Variants in MAN2A1 observed in about 807,000 individuals in gnomAD.
MAN2A1 encodes alpha-mannosidase 2.
Under a neutral mutation model 142.6 loss-of-function variants are expected in MAN2A1, and 76 were observed. The observed-to-expected ratio is 0.53, with a 90% CI of 0.44 to 0.65. The LOEUF (loss-of-function observed/expected upper bound fraction) is 0.65, where lower values mean the gene tolerates loss of function less well. MAN2A1 is among the 30% of genes least tolerant of loss of function. The probability of loss-of-function intolerance (pLI) is 0.00; values close to 1 mark genes in which losing one functional copy is unlikely to be tolerated. For synonymous variants in MAN2A1, 559 were observed against 473.2 expected, an observed-to-expected ratio of 1.18 and a Z score of -2.35; for missense variants, 1,311 against 1,365.1, an observed-to-expected ratio of 0.96 and a Z score of 0.62.
chr5:109,850,891 C>T (rs1755466080), intron 19 of MAN2A1, among the ~76,000 whole-genome samples: 1 of 151,946 alleles, frequency 6.6e-6, no homozygotes, highest in African/African-American at 2.4e-5. Context: ...AAGAAATGAA[C>T]TAGAGAAGAG....
At chr5:109,840,966 T>C (rs1755187935) in intron 16 of MAN2A1, among the ~76,000 whole-genome samples, 5 of 152,212 alleles carry the variant, frequency 3.3e-5, no homozygotes, top group South Asian at 2.1e-4. Context: ...GGGATTCTAC[T>C]TGTGTCCTAG....
chr5:109,745,757 A>G (rs1401498688), intron 4 of MAN2A1, among the ~76,000 whole-genome samples: 1 of 152,094 alleles, frequency 6.6e-6, no homozygotes, highest in Admixed American at 6.5e-5. Flanking sequence ...GCTAGGATCT[A>G]CAGGTGCAGG....
chr5:109,840,895 A>G (rs890433447), intron 16 of MAN2A1, among the ~76,000 whole-genome samples: 3 of 152,062 alleles, frequency 2.0e-5, no homozygotes, highest in African/African-American at 7.2e-5. Flanking sequence ...CTTTCCCACA[A>G]ACCTCACAGA....
At chr5:109,851,815 T>A (rs1488001226) in intron 19 of MAN2A1, among the ~76,000 whole-genome samples, 1 of 152,154 alleles carries the variant, frequency 6.6e-6, no homozygotes, top group Non-Finnish European at 1.5e-5. Context: ...ATTGTGTTGT[T>A]GTACCTTTAA....
At chr5:109,746,314 ATAGCATTTATAGT>A (rs1310347500) in intron 4 of MAN2A1, among the ~76,000 whole-genome samples, 8 of 152,150 alleles carry the variant, frequency 5.3e-5, no homozygotes, top group Admixed American at 3.9e-4. Flanking sequence ...GACACAGGTT[ATAGCATTTATAGT>A]TCAGAAAAAA....
intron 4 of MAN2A1, among the ~76,000 whole-genome samples, chr5:109,746,135 C>T (rs1752398008): frequency 6.6e-6 from 1 of 152,222 alleles, no homozygotes; most frequent in Admixed American, 6.5e-5. Context: ...CCGCCACACC[C>T]AGCTAATTTT....
In MAN2A1 at chr5:109,817,428, C is replaced by T; in HGVS notation, c.2099C>T (p.Thr700Ile). 11 of 1,613,896 alleles carry T rather than the reference C, an allele frequency of 6.8e-6. No individual in the cohort carries two copies. Among genetic ancestry groups the T allele is most frequent in the Non-Finnish European group, 9.3e-6 (11 of 1,179,894 alleles). ...VWDTANTISE[T>I]AYEISFRAHI... ...GATACAGCAAATACTATTTCAGAAA[C>T]AGCCTATGAGGTATGTTGTAGCCAT... is the stretch of plus-strand genomic sequence containing the variant. Residue 700 changes from threonine to isoleucine, a missense_variant, in exon 13 of 22, where the codon ACA becomes ATA. By Grantham distance (89) the Thr-to-Ile change is moderately conservative. Around this residue, in one of 3 missense-constraint regions of MAN2A1, gnomAD observed 890 missense variants for 920.5 expected, o/e 0.97. Transcript: ENST00000261483.
rs181274147 is a variant in MAN2A1 at position 109,760,306 on chromosome 5, A to G, written c.835+4850A>G. Among the ~76,000 whole-genome samples the G allele has an allele frequency of 4.8e-4, 73 of 152,302 alleles. No individual in the cohort carries two copies. In the East Asian group the frequency reaches 0.014, roughly 29 times the overall value. ...CAGCTTCATTCATATCCCTGCAAAG[A>G]CATGAACTCATCCTTTTTATGGCTG... On this transcript the variant is annotated intron_variant, in intron 5 of 21. Transcript: ENST00000261483.
intron 8 of MAN2A1, among the ~76,000 whole-genome samples, chr5:109,776,161 T>A (rs916520862): frequency 3.9e-5 from 6 of 151,918 alleles, no homozygotes; most frequent in African/African-American, 1.4e-4. Context: ...TATTGACATG[T>A]AAAAGTAGAA....
chr5:109,710,509 ATT>A (rs71626618), intron 1 of MAN2A1, among the ~76,000 whole-genome samples: 1 of 147,140 alleles, frequency 6.8e-6, no homozygotes, highest in African/African-American at 2.5e-5. Flanking sequence ...AAAATGTGGT[ATT>A]TTTTTTTTTT....
chr5:109,792,220 T>C (rs1430634568), intron 12 of MAN2A1, among the ~76,000 whole-genome samples: 2 of 152,128 alleles, frequency 1.3e-5, no homozygotes, highest in African/African-American at 2.4e-5. Context: ...ATTAAAAGTA[T>C]TGTTATCTTT....
At chr5:109,840,025 C>G (rs1755160608) in intron 16 of MAN2A1, 1 of 159,896 alleles carries the variant, frequency 6.3e-6, no homozygotes, top group Non-Finnish European at 1.4e-5. Context: ...ATATCCTGCT[C>G]CATTCTAGAA....
At chr5:109,732,922 G>T (rs1751960719) in intron 4 of MAN2A1, among the ~76,000 whole-genome samples, 1 of 151,320 alleles carries the variant, frequency 6.6e-6, no homozygotes, top group East Asian at 1.9e-4. Context: ...AGCTTGATGG[G>T]GATGGCATTG....
intron 4 of MAN2A1, among the ~76,000 whole-genome samples, chr5:109,743,353 G>C (rs1293085421): frequency 6.6e-6 from 1 of 152,164 alleles, no homozygotes; most frequent in Admixed American, 6.5e-5. Context: ...TCTCTAGTTA[G>C]TGGCAATAGT....
chr5:109,787,697 A>T (rs984038221), intron 10 of MAN2A1, among the ~76,000 whole-genome samples: 9 of 151,928 alleles, frequency 5.9e-5, no homozygotes, highest in African/African-American at 2.2e-4. Context: ...GGTGGTGGAG[A>T]ACATGACTTT....
At chr5:109,782,987 A>C (rs1753501491) in intron 9 of MAN2A1, among the ~76,000 whole-genome samples, 1 of 152,114 alleles carries the variant, frequency 6.6e-6, no homozygotes. Context: ...AATAATGTTT[A>C]CATATTATAG....
chr5:109,805,744 G>T (rs193166804), intron 12 of MAN2A1, among the ~76,000 whole-genome samples: 2 of 152,284 alleles, frequency 1.3e-5, no homozygotes, highest in East Asian at 3.9e-4. Flanking sequence ...TTAACATTTG[G>T]TTTTCTTGTC....
intron 1 of MAN2A1, among the ~76,000 whole-genome samples, chr5:109,703,104 A>G (rs1751035220): frequency 6.6e-6 from 1 of 152,234 alleles, no homozygotes; most frequent in Admixed American, 6.5e-5. Flanking sequence ...GAGGCTTTCC[A>G]AAACTATTTC....
chr5:109,755,595 A>G (rs1056602184), intron 5 of MAN2A1, 139 bp downstream of exon 5: 23 of 664,764 alleles, frequency 3.5e-5, no homozygotes, highest in African/African-American at 5.6e-5. Flanking sequence ...TCATTAATTT[A>G]TGATATTTCT....
Sources: allele counts gnomAD v4.1 joint callset (sites outside exome capture counted in the v4.1 genomes callset), GRCh38; gene constraint gnomAD v4.1.1; regional missense constraint gnomAD v4.1.1; transcripts MANE v1.5; gene names NCBI Gene and HGNC (gene_info 2026-07-23, HGNC 2026-07-21).